PXK: variants seen among roughly 807,000 people sequenced by gnomAD.
PXK encodes PX domain-containing protein kinase-like protein.
A neutral mutation model predicts 84.7 loss-of-function variants in PXK; 35 were observed. That is an observed-to-expected ratio of 0.41 (90% CI 0.32 to 0.55). The LOEUF (loss-of-function observed/expected upper bound fraction) is 0.55, where lower values mean the gene tolerates loss of function less well. Among genes scored for constraint, PXK ranks in the 20% least tolerant of loss-of-function variants. The probability of loss-of-function intolerance (pLI) is 0.21; values close to 1 mark genes in which losing one functional copy is unlikely to be tolerated. For synonymous variants in PXK, 253 were observed against 260.8 expected (o/e 0.97, Z 0.29); for missense variants, 634 against 699.7 (o/e 0.91, Z 1.06).
chr3:58,341,590 A>G (rs1340389141), intron 1 of PXK, among the ~76,000 whole-genome samples: 1 of 152,154 alleles, frequency 6.6e-6, no homozygotes, highest in Admixed American at 6.5e-5. Context: ...AACTTTATAT[A>G]ATTCACATAC....
Position 58,397,474 on chromosome 3 carries a change from T to G in PXK, c.985-131T>G, listed in dbSNP as rs2057878360. On this transcript the variant is annotated intron_variant, in intron 10 of 17. Coordinates refer to ENST00000356151, the MANE Select transcript of PXK (RefSeq NM_017771.5). This position sits in a 1 kb window ranked among gnomAD's most constrained non-coding sequence, Gnocchi z 4.7. ...GAGGTTTTACAGAAGGCTTTGGAGT[T>G]GCATTTACGTTACCAATTAGGAACG... The G allele has an allele frequency of 1.1e-5, 9 of 854,198 alleles. No individual in the cohort carries two copies. In the South Asian group the frequency reaches 1.4e-4, roughly 13 times the overall value. 52.9% of individuals were successfully genotyped at this position (854,198 alleles called of 1,614,324 possible). A position where few individuals can be genotyped will look rare whatever the true frequency, so the allele number is the denominator to read the frequency against.
At chr3:58,378,206 G>C (rs1400080074) in intron 3 of PXK, among the ~76,000 whole-genome samples, 4 of 152,170 alleles carry the variant, frequency 2.6e-5, no homozygotes, top group African/African-American at 9.7e-5. Context: ...TGGCAGTCAG[G>C]CTTCAGACTT....
At chr3:58,393,910 C>G (rs1300151031) in intron 7 of PXK, among the ~76,000 whole-genome samples, 1 of 152,120 alleles carries the variant, frequency 6.6e-6, no homozygotes, top group Non-Finnish European at 1.5e-5. Context: ...AGTATGTACT[C>G]AAGGATTTTT....
chr3:58,417,810 C>G (rs2107717633), intron 17 of PXK, among the ~76,000 whole-genome samples: 2 of 152,292 alleles, frequency 1.3e-5, no homozygotes, highest in East Asian at 3.9e-4. Context: ...TATTCCCTCC[C>G]ACCCTCCTTT....
chr3:58,421,202 C>T lies in PXK; in HGVS notation c.1529-3550C>T, dbSNP rs1411426242. 1 of 985,202 alleles carries T rather than the reference C, an allele frequency of 1.0e-6. No homozygotes were observed. The highest frequency in any genetic ancestry group is 1.2e-6 in the Non-Finnish European group (1 of 829,932). 61.0% of individuals were successfully genotyped at this position (985,202 alleles called of 1,614,324 possible). On this transcript the variant is annotated intron_variant, in intron 17 of 17. Transcript: ENST00000356151. This position sits in a 1 kb window ranked among gnomAD's most constrained non-coding sequence, Gnocchi z 5.5. ...TGTGGTCTCATGGCCACTTGGCCTC[C>T]CTTCCTGTATGTGACCACAAAGGAG...
rs561359112 is a variant in PXK, at chr3:58,412,260, T to C, written c.1466-641T>C. ...GGATCGCCAAGTAATGGGGAGATGC[T>C]GAGAACTTGGGAATATTTGAAATAT... On this transcript the variant is annotated intron_variant, in intron 16 of 17. Transcript: ENST00000356151. This position sits in a 1 kb window ranked among gnomAD's most constrained non-coding sequence, Gnocchi z 6.2. Among the ~76,000 whole-genome samples, 9 of 152,224 alleles carry C rather than the reference T, an allele frequency of 5.9e-5. 1 individual carries two copies. In the South Asian group the frequency reaches 1.9e-3, roughly 32 times the overall value.
intron 2 of PXK, among the ~76,000 whole-genome samples, chr3:58,368,425 C>T (rs557349247): frequency 6.6e-6 from 1 of 152,246 alleles, no homozygotes; most frequent in Admixed American, 6.5e-5. Context: ...TAGGCTCAAG[C>T]GATTCTAGTG....
At chr3:58,420,488 A>G in intron 17 of PXK, 1 of 1,532,158 alleles carries the variant, frequency 6.5e-7, no homozygotes, top group Non-Finnish European at 8.7e-7. Flanking sequence ...TAAAATCTGA[A>G]TAATGACTTG....
At chr3:58,355,616 AC>A (rs1160453271) in intron 1 of PXK, among the ~76,000 whole-genome samples, 4 of 152,192 alleles carry the variant, frequency 2.6e-5, no homozygotes, top group Non-Finnish European at 5.9e-5. Flanking sequence ...AATCCCACAT[AC>A]CCTTTCAGAA....
intron 1 of PXK, among the ~76,000 whole-genome samples, chr3:58,334,851 C>T (rs986933770): frequency 6.6e-5 from 10 of 151,846 alleles, no homozygotes; most frequent in Non-Finnish European, 1.5e-4. Context: ...TAATTGTAAA[C>T]ATTGAAAAAA....
rs192756092 is a variant in PXK, at chr3:58,362,324, C to T, written c.103-3550C>T. On this transcript the variant is annotated intron_variant, in intron 1 of 17. Transcript: ENST00000356151. The stretch of plus-strand genomic sequence containing the variant: ...CCTATTTTTTTTCCTAAAAGTCTTA[C>T]AGTTTTACATTTTACATTTAAGTAC... 1.1e-4 allele frequency among the ~76,000 whole-genome samples: 17 copies of T among 152,256 alleles called. No homozygotes were observed. The East Asian group carries it at 2.7e-3, about 24-fold the overall frequency.
intron 2 of PXK, among the ~76,000 whole-genome samples, chr3:58,368,269 G>C (rs141099527): frequency 1.7e-3 from 252 of 152,304 alleles, no homozygotes; most frequent in African/African-American, 5.9e-3. Context: ...CTTTGTGAGA[G>C]GTAGAGGGGC....
chr3:58,340,314 G>A (rs1188125438), intron 1 of PXK, among the ~76,000 whole-genome samples: 1 of 150,896 alleles, frequency 6.6e-6, no homozygotes, highest in African/African-American at 2.4e-5. Flanking sequence ...GTCGAGACAG[G>A]GCCTCCCCAT....
intron 1 of PXK, among the ~76,000 whole-genome samples, chr3:58,344,056 A>C (rs777025154): frequency 6.6e-6 from 1 of 152,192 alleles, no homozygotes; most frequent in East Asian, 1.9e-4. Context: ...GAAGAGCGAC[A>C]ATGGCTTAAT....
At position 58,408,972 on chromosome 3, in the gene PXK, G is replaced by C. The variant is rs2059790878; in HGVS notation, c.1279G>C (p.Glu427Gln). The C allele has an allele frequency of 3.1e-6, 5 of 1,592,096 alleles. No individual in the cohort carries two copies. The highest frequency in any genetic ancestry group is 1.3e-5 in the African/African-American group (1 of 74,304). Residue 427 changes from glutamate (E) to glutamine (Q), a missense_variant, in exon 14 of 18, where the codon GAG becomes CAG. By Grantham distance (29) the Glu-to-Gln change is conservative. Around this residue, in one of 3 missense-constraint regions of PXK, gnomAD observed 273 missense variants for 283.6 expected, o/e 0.96. Transcript: ENST00000356151. Reference protein sequence around the residue: ...EALRIAKECIEKRLIEEQKQI... With the variant: ...EALRIAKECIQKRLIEEQKQI... ...ATTGAGAATTGCCAAAGAATGTATA[G>C]AGAAGAGACTAATTGAGGAACAGAA...
chr3:58,335,975 G>A (rs377237798), intron 1 of PXK, among the ~76,000 whole-genome samples: 1 of 142,892 alleles, frequency 7.0e-6, no homozygotes, highest in African/African-American at 2.6e-5. Flanking sequence ...GGGCGTTATT[G>A]CAAGCAAGCT....
chr3:58,371,278 A>G (rs1335477259), intron 3 of PXK, among the ~76,000 whole-genome samples: 1 of 152,232 alleles, frequency 6.6e-6, no homozygotes, highest in African/African-American at 2.4e-5. Context: ...ATGGATTTTA[A>G]TAGCATCTTT....
At position 58,425,112 on chromosome 3, in the gene PXK, G is replaced by A; in HGVS notation, c.*152G>A. On this transcript the variant is annotated 3_prime_UTR_variant, in exon 18 of 18. Coordinates refer to ENST00000356151, the MANE Select transcript of PXK (RefSeq NM_017771.5). ...GATGCTCATGTAAGCAGCTTTTCGAGAGAAATAATTCTTTAAGCAGAATAA... is the reference window on the plus strand; with the variant it reads ...GATGCTCATGTAAGCAGCTTTTCGAAAGAAATAATTCTTTAAGCAGAATAA... The A allele has an allele frequency of 1.7e-6, 2 of 1,161,126 alleles. No homozygotes were observed. Among genetic ancestry groups the A allele is most frequent in the Non-Finnish European group, 2.4e-6 (2 of 836,618 alleles). The allele number at this position is 1,161,126 out of a possible 1,614,324, so 71.9% of individuals were successfully genotyped here. A position where few individuals can be genotyped will look rare whatever the true frequency, so the allele number is the denominator to read the frequency against.
At chr3:58,345,439 A>G (rs777870719) in intron 1 of PXK, among the ~76,000 whole-genome samples, 5 of 152,188 alleles carry the variant, frequency 3.3e-5, no homozygotes, top group Non-Finnish European at 5.9e-5. Flanking sequence ...TGTTCAGAGG[A>G]ATACAACTTA....
Sources: gnomAD v4.1 joint callset for allele counts (sites outside exome capture counted in the v4.1 genomes callset) on GRCh38, gnomAD v4.1.1 for gene constraint, gnomAD v4.1.1 regional missense constraint, Gnocchi (gnomAD v3.1) non-coding constraint, MANE v1.5 for transcripts, NCBI Gene and HGNC (gene_info 2026-07-23, HGNC 2026-07-21) for gene names.